The following ISM1 variants were observed in gnomAD, a reference collection of about 807,000 sequenced individuals.
ISM1 encodes the protein isthmin 1.
A neutral mutation model predicts 46.3 loss-of-function variants in ISM1; 25 were observed. That is an observed-to-expected ratio of 0.54 (90% CI 0.39 to 0.75). The LOEUF (loss-of-function observed/expected upper bound fraction) is 0.75. Among genes scored for constraint, ISM1 ranks in the 30% least tolerant of loss-of-function variants. The pLI is 0.00. For synonymous variants in ISM1, 255 were observed against 256.7 expected, an observed-to-expected ratio of 0.99 and a Z score of 0.06; for missense variants, 536 against 625.4, an observed-to-expected ratio of 0.86 and a Z score of 1.52.
At chr20:13,297,034 C>T in intron 5 of ISM1, among the ~76,000 whole-genome samples, 1 of 147,524 alleles carries the variant, frequency 6.8e-6, no homozygotes, top group East Asian at 2.1e-4. Flanking sequence ...GCCTCACCCC[C>T]CGCCAAAAAA....
chr20:13,314,145 T>C, the ISM1 span, among the ~76,000 whole-genome samples: 13 of 151,894 alleles, frequency 8.6e-5, no homozygotes, highest in African/African-American at 3.1e-4. Flanking sequence ...GAGACAACTA[T>C]GAAAATTGTA....
chr20:13,288,160 CCTCT>C (rs1279086659), intron 3 of ISM1, among the ~76,000 whole-genome samples: 6 of 152,204 alleles, frequency 3.9e-5, no homozygotes, highest in South Asian at 2.1e-4. Flanking sequence ...AATAGATTCT[CCTCT>C]CTCTCTCTTT....
rs147083972 is a variant in ISM1, at chr20:13,235,164, A to G, written c.138+13250A>G. ...GGGTCAGCTGAGGTTCAGTAGATCT[A>G]GGCAGGGCATGGCTTTAAGCTATGG... is the stretch of plus-strand genomic sequence containing the variant. On this transcript the variant is annotated intron_variant, in intron 1 of 5. Transcript: ENST00000262487. 3.6e-3 allele frequency among the ~76,000 whole-genome samples: 543 copies of G among 152,322 alleles called. 6 individuals carry two copies. Among genetic ancestry groups the G allele is most frequent in the African/African-American group, 0.012 (507 of 41,574 alleles).
intron 1 of ISM1, chr20:13,245,237 C>T (rs1215431515): frequency 3.9e-5 from 6 of 152,332 alleles, no homozygotes; most frequent in African/African-American, 1.4e-4. Flanking sequence ...TCAGACACAG[C>T]TTACCTGGAT....
At chr20:13,260,248 G>A (rs1264724544) in intron 1 of ISM1, among the ~76,000 whole-genome samples, 1 of 152,162 alleles carries the variant, frequency 6.6e-6, no homozygotes, top group Admixed American at 6.5e-5. Flanking sequence ...AGTGTCGGGG[G>A]GTCCTGTTAA....
Position 13,221,821 on chromosome 20 carries a change from G to A in ISM1, c.45G>A (p.Leu15=). Residue 15 remains leucine (L), a synonymous_variant, in exon 1 of 6, where the codon CTG becomes CTA. Transcript: ENST00000262487. ...AGCTGCTGCTGCTGCTGGGGCTGCT[G>A]CTGCTCACGCTGCACATCACCGTGC... is the stretch of plus-strand genomic sequence containing the variant. ...AAELLLLLGL[L]LLTLHITVLR... The A allele has an allele frequency of 1.4e-6, 2 of 1,458,226 alleles. No homozygotes were observed. The highest frequency in any genetic ancestry group is 3.0e-5 in the East Asian group (1 of 33,014). 90.3% of individuals were successfully genotyped at this position (1,458,226 alleles called of 1,614,324 possible).
In ISM1 at chr20:13,221,466, C is replaced by T. The variant is rs972917825; in HGVS notation, c.-311C>T. ...GGCTGTCCCGGGACCCAGTCTCCGT[C>T]TCCGCCGCCGCCGCCGCCAGGCAGC... On this transcript the variant is annotated 5_prime_UTR_variant, in exon 1 of 6. Transcript: ENST00000262487. 1.2e-3 allele frequency among the ~76,000 whole-genome samples: 174 copies of T among 145,804 alleles called. No individual in the cohort carries two copies. The highest frequency in any genetic ancestry group is 2.1e-3 in the Admixed American group (31 of 14,758).
At chr20:13,263,346 C>A (rs550879388) in intron 1 of ISM1, among the ~76,000 whole-genome samples, 16 of 152,134 alleles carry the variant, frequency 1.1e-4, no homozygotes, top group Non-Finnish European at 1.6e-4. Context: ...CCCACCACCC[C>A]CTGCTTCCAC....
At chr20:13,313,850 G>C in the ISM1 span, among the ~76,000 whole-genome samples, 48 of 152,116 alleles carry the variant, frequency 3.2e-4, no homozygotes, top group Non-Finnish European at 1.6e-4. Context: ...AAAACAACAA[G>C]GATTAGGGTG....
Position 13,221,538 on chromosome 20 carries a change from T to TGGCTCCGCCGTGGTGCGGC in ISM1, c.-235_-217dup, listed in dbSNP as rs2039446735. Among the ~76,000 whole-genome samples the TGGCTCCGCCGTGGTGCGGC allele has an allele frequency of 7.1e-6, 1 of 141,258 alleles. No individual in the cohort carries two copies. Among genetic ancestry groups the TGGCTCCGCCGTGGTGCGGC allele is most frequent in the Non-Finnish European group, 1.6e-5 (1 of 64,308 alleles). 92.7% of individuals were successfully genotyped at this position (141,258 alleles called of 152,430 possible). ...GGCTTGGACACCCCCGGCCTCGCGG[T>TGGCTCCGCCGTGGTGCGGC]GGCTCCGCCGTGGTGCGGCGGCGGC... is the stretch of plus-strand genomic sequence containing the variant. On this transcript the variant is annotated 5_prime_UTR_variant, in exon 1 of 6. An upstream open reading frame in the 5' UTR loses its in-frame stop. Transcript: ENST00000262487.
intron 1 of ISM1, among the ~76,000 whole-genome samples, chr20:13,246,272 C>CAAAA (rs34312426): frequency 4.1e-5 from 5 of 121,132 alleles, no homozygotes; most frequent in African/African-American, 1.2e-4. Flanking sequence ...GACTCCATCT[C>CAAAA]AAAAAAAAAA....
intron 3 of ISM1, among the ~76,000 whole-genome samples, chr20:13,283,989 C>G (rs2040265304): frequency 6.6e-6 from 1 of 152,142 alleles, no homozygotes; most frequent in Admixed American, 6.5e-5. Context: ...TGGGAGCAGA[C>G]AGATCTTAGA....
At chr20:13,229,332 T>C (rs1018529194) in intron 1 of ISM1, among the ~76,000 whole-genome samples, 2 of 152,194 alleles carry the variant, frequency 1.3e-5, no homozygotes, top group Admixed American at 6.5e-5. Flanking sequence ...TTGTAGGCAA[T>C]TTGCTCCTTC....
intron 4 of ISM1, among the ~76,000 whole-genome samples, chr20:13,289,672 A>G (rs79133725): frequency 1.0e-5 from 1 of 96,270 alleles, no homozygotes; most frequent in Admixed American, 9.6e-5. Context: ...GAGGAGGAGG[A>G]GGGGGAGGAG....
rs1315469214 is a variant in ISM1, at chr20:13,221,898, G to A, written c.122G>A (p.Ser41Asn). 1.5e-6 allele frequency: 2 copies of A among 1,378,322 alleles called. No homozygotes were observed. The highest frequency in any genetic ancestry group is 3.5e-5 in the Admixed American group (1 of 28,690). 85.4% of individuals were successfully genotyped at this position (1,378,322 alleles called of 1,614,324 possible). Residue 41 changes from serine to asparagine, a missense_variant, in exon 1 of 6, where the codon AGC becomes AAC. Physicochemically the swap from Ser to Asn is conservative, Grantham distance 46. Transcript: ENST00000262487. ...DGPDAAAGNA[S>N]QAQLQNNLNV... ...CCCGACGCGGCCGCGGGCAACGCCAGCCAAGCCCAGCTGCAGGTGAGTGCG... is the reference window on the plus strand; with the variant it reads ...CCCGACGCGGCCGCGGGCAACGCCAACCAAGCCCAGCTGCAGGTGAGTGCG...
chr20:13,304,026 G>T (rs2040479767), downstream of ISM1, among the ~76,000 whole-genome samples: 2 of 152,188 alleles, frequency 1.3e-5, no homozygotes, highest in Non-Finnish European at 2.9e-5. Flanking sequence ...CCATCTTGTG[G>T]CTCTGCCACC....
At position 13,300,341 on chromosome 20, in the gene ISM1, G is replaced by T. The variant is rs954343446; in HGVS notation, c.*882G>T. 6.6e-6 allele frequency: 1 copy of T among 151,702 alleles called. No homozygotes were observed. The highest frequency in any genetic ancestry group is 2.4e-5 in the African/African-American group (1 of 41,256). 9.4% of individuals were successfully genotyped at this position (151,702 alleles called of 1,614,324 possible). On this transcript the variant is annotated 3_prime_UTR_variant, in exon 6 of 6. Transcript: ENST00000262487. ...ACAAATGGGAAAAAGATAATGGACCGCATTTCACCTATTTTAATACTATTT... is the reference window on the plus strand; with the variant it reads ...ACAAATGGGAAAAAGATAATGGACCTCATTTCACCTATTTTAATACTATTT...
At chr20:13,326,248 G>A in the ISM1 span, among the ~76,000 whole-genome samples, 1 of 152,110 alleles carries the variant, frequency 6.6e-6, no homozygotes, top group South Asian at 2.1e-4. Context: ...TAAGTTTTGG[G>A]AAATTATGAA....
intron 1 of ISM1, among the ~76,000 whole-genome samples, chr20:13,241,048 A>T (rs993088715): frequency 6.6e-6 from 1 of 152,196 alleles, no homozygotes; most frequent in African/African-American, 2.4e-5. Context: ...CACAGAAGCC[A>T]GGGGAGAAGA....
Sources: allele counts gnomAD v4.1 joint callset (sites outside exome capture counted in the v4.1 genomes callset), GRCh38; gene constraint gnomAD v4.1.1; transcripts MANE v1.5; gene names NCBI Gene and HGNC (gene_info 2026-07-23, HGNC 2026-07-21).